The following FOXRED2 variants were observed in gnomAD, a reference collection of about 807,000 sequenced individuals.
FOXRED2 encodes FAD-dependent oxidoreductase domain-containing protein 2.
FOXRED2 carries 32 observed loss-of-function variants against 52.5 expected under a neutral mutation model. The observed-to-expected ratio is 0.61, with a 90% CI of 0.46 to 0.82. The LOEUF (loss-of-function observed/expected upper bound fraction) is 0.82. Ranked by LOEUF, FOXRED2 falls within the 40% of genes least tolerant of loss-of-function variation. FOXRED2 has a pLI of 0.00. For missense variants in FOXRED2, 848 were observed against 937.5 expected (o/e 0.90, Z 1.25); for synonymous variants, 405 against 398.1 (o/e 1.02, Z -0.21).
Position 36,490,192 on chromosome 22 carries a change from C to A in FOXRED2, c.1871G>T (p.Gly624Val). The A allele has an allele frequency of 6.2e-7, 1 of 1,614,006 alleles. No individual in the cohort carries two copies. The highest frequency in any genetic ancestry group is 1.3e-5 in the African/African-American group (1 of 75,058). ...CCAAAGGCTCTCGGTACTCACGAGT[C>A]CCTGCATCCTCAGGTACCCCTGCTG... ...FCQQGYLRMQ[G>V]LVSTESLWQH... The change falls in exon 9 of 9, where the codon GGA becomes GTA. Residue 624 changes from glycine to valine, a missense_variant. Transcript: ENST00000397224.
At chr22:36,501,626 A>G (rs996873707) in intron 4 of FOXRED2, among the ~76,000 whole-genome samples, 27 of 152,036 alleles carry the variant, frequency 1.8e-4, no homozygotes, top group African/African-American at 5.3e-4. Flanking sequence ...ATGCCCAGCT[A>G]ATTTTTGTAT....
At position 36,488,777 on chromosome 22, in the gene FOXRED2, C is replaced by A. The variant is rs961391194; in HGVS notation, c.*1231G>T. The A allele has an allele frequency of 2.6e-5, 4 of 151,504 alleles. No individual in the cohort carries two copies. The South Asian group carries it at 8.3e-4, about 32-fold the overall frequency. 9.4% of individuals were successfully genotyped at this position (151,504 alleles called of 1,614,324 possible). A position where few individuals can be genotyped will look rare whatever the true frequency, so the allele number is the denominator to read the frequency against. Reference sequence around the variant, plus strand: ...TGTATTTTTAGTAGAGATAGGGTTTCTCCATGTTGGTCAGGCTGGTCTCAA... The same window carrying A: ...TGTATTTTTAGTAGAGATAGGGTTTATCCATGTTGGTCAGGCTGGTCTCAA... On this transcript the variant is annotated 3_prime_UTR_variant, in exon 9 of 9. Transcript: ENST00000397224.
At position 36,504,605 on chromosome 22, in the gene FOXRED2, T is replaced by A; in HGVS notation, c.689A>T (p.Glu230Val). The A allele has an allele frequency of 6.2e-7, 1 of 1,614,166 alleles. No homozygotes were observed. The highest frequency in any genetic ancestry group is 8.5e-7 in the Non-Finnish European group (1 of 1,180,028). Residue 230 changes from glutamate to valine, a missense_variant, in exon 3 of 9, where the codon GAG becomes GTG. Transcript: ENST00000397224. ...AAAGTTTGTGACACCCAAGATGTTC[T>A]CTGCTGTCTCAAAGGCCGAGTTCCC... ...GRGNSAFETA[E>V]NILGVTNFIH...
chr22:36,490,894 C>T (rs1216524822), intron 8 of FOXRED2, among the ~76,000 whole-genome samples: 5 of 152,316 alleles, frequency 3.3e-5, no homozygotes, highest in African/African-American at 4.8e-5. Flanking sequence ...TGGTGGCTCA[C>T]GCCTTAATCC....
intron 5 of FOXRED2, among the ~76,000 whole-genome samples, chr22:36,499,534 G>C (rs1163323240): frequency 6.6e-6 from 1 of 152,166 alleles, no homozygotes; most frequent in Non-Finnish European, 1.5e-5. Context: ...GCTGAGGTGG[G>C]AGGATGGCTT....
rs1214313141 is a variant in FOXRED2, at chr22:36,487,679, CT to C, written c.*2328del. On this transcript the variant is annotated 3_prime_UTR_variant, in exon 9 of 9. Transcript: ENST00000397224. The stretch of plus-strand genomic sequence containing the variant: ...CCTTTGAAGAAGAATTTATGATATC[CT>C]ACATTATCATGGGGTAAACAATTCG... The C allele has an allele frequency of 6.6e-6, 1 of 152,128 alleles. No individual in the cohort carries two copies. The highest frequency in any genetic ancestry group is 2.4e-5 in the African/African-American group (1 of 41,416). The allele number at this position is 152,128 out of a possible 1,614,324, so 9.4% of individuals were successfully genotyped here.
At position 36,506,123 on chromosome 22, in the gene FOXRED2, G is replaced by C; in HGVS notation, c.300C>G (p.Asn100Lys). 1.2e-6 allele frequency: 2 copies of C among 1,614,238 alleles called. No individual in the cohort carries two copies. The highest frequency in any genetic ancestry group is 8.5e-7 in the Non-Finnish European group (1 of 1,180,038). ...GCCGGGGGTCGTGGCTGAGCAGAGA[G>C]TTCCAGTCGTGGCGGAGGTTGAACT... ...NAEFNLRHDW[N>K]SLLSHDPRLL... The change falls in exon 2 of 9, where the codon AAC becomes AAG. Residue 100 changes from asparagine to lysine, a missense_variant. Asn to Lys is a moderately conservative substitution (Grantham distance 94, BLOSUM62 0). Transcript: ENST00000397224.
At chr22:36,495,218 C>T (rs1327472470) in intron 7 of FOXRED2, among the ~76,000 whole-genome samples, 1 of 152,026 alleles carries the variant, frequency 6.6e-6, no homozygotes, top group Non-Finnish European at 1.5e-5. Context: ...CTTGGTCTCT[C>T]AAAGTGCTGG....
chr22:36,496,952 G>A (rs532486109), intron 6 of FOXRED2, among the ~76,000 whole-genome samples: 2 of 152,288 alleles, frequency 1.3e-5, no homozygotes, highest in South Asian at 2.1e-4. Context: ...AGACCAAGGC[G>A]GGTGGATCAC....
chr22:36,495,884 G>C, intron 7 of FOXRED2, 83 bp downstream of exon 7: 2 of 1,484,420 alleles, frequency 1.3e-6, no homozygotes, highest in Non-Finnish European at 1.9e-6. Context: ...GCATGTGTGT[G>C]AAGGTTTCAG....
chr22:36,493,866 GAC>G, intron 7 of FOXRED2, 63 bp from the exon 8 acceptor site: 1 of 1,448,872 alleles, frequency 6.9e-7, no homozygotes, highest in Non-Finnish European at 9.6e-7. Context: ...TCCTCGGGCC[GAC>G]ACAGCACGGA....
intron 5 of FOXRED2, among the ~76,000 whole-genome samples, chr22:36,499,404 T>C (rs933178723): frequency 1.3e-5 from 2 of 151,966 alleles, no homozygotes; most frequent in Non-Finnish European, 2.9e-5. Flanking sequence ...TCGCTTGAGC[T>C]TGGGAGTTTG....
At position 36,506,077 on chromosome 22, in the gene FOXRED2, G is replaced by A. The variant is rs755978039; in HGVS notation, c.346C>T (p.Arg116Cys). 4 of 1,614,132 alleles carry A rather than the reference G, an allele frequency of 2.5e-6. No homozygotes were observed. Residue 116 changes from arginine (R) to cysteine (C), a missense_variant, in exon 2 of 9, where the codon CGT becomes TGT. Physicochemically the swap from Arg to Cys is radical, Grantham distance 180. Coordinates refer to ENST00000397224, the MANE Select transcript of FOXRED2 (RefSeq NM_001102371.2). ...TCGCGGGCGTCGGGGAAGTAGGCAC[G>A]CGAGTAGTGTCTGAAGAGCAGCCGG... is the stretch of plus-strand genomic sequence containing the variant. ...DPRLLFRHYS[R>C]AYFPDARDMV... is the part of the protein sequence containing the mutation.
At position 36,497,380 on chromosome 22, in the gene FOXRED2, G is replaced by C. The variant is rs143284787; in HGVS notation, c.1382+611C>G. Among the ~76,000 whole-genome samples the C allele has an allele frequency of 6.5e-3, 988 of 152,256 alleles. 4 individuals carry two copies. The highest frequency in any genetic ancestry group is 0.027 in the Middle Eastern group (8 of 294). The stretch of plus-strand genomic sequence containing the variant: ...GGCAGGGGCATGGAGGGTGATGCGA[G>C]GGTTTTGTGCAGAAAGCGGCTGCAC... On this transcript the variant is annotated intron_variant, in intron 6 of 8. Transcript: ENST00000397224.
At chr22:36,491,867 G>A (rs1279706259) in intron 8 of FOXRED2, among the ~76,000 whole-genome samples, 3 of 152,154 alleles carry the variant, frequency 2.0e-5, no homozygotes, top group Non-Finnish European at 2.9e-5. Context: ...TAAACAAACA[G>A]AAGAGCTGAC....
At chr22:36,504,447 G>GCAA in intron 3 of FOXRED2, 68 bp downstream of exon 3, 1 of 1,608,578 alleles carries the variant, frequency 6.2e-7, no homozygotes, top group Non-Finnish European at 8.5e-7. Flanking sequence ...GGGCAGGGGA[G>GCAA]GGTTGGGGAG....
At chr22:36,492,786 G>A (rs1235206391) in intron 8 of FOXRED2, among the ~76,000 whole-genome samples, 3 of 152,192 alleles carry the variant, frequency 2.0e-5, no homozygotes, top group African/African-American at 4.8e-5. Context: ...CCAAAGTGTT[G>A]AGATTACAGG....
At chr22:36,503,893 C>T (rs564349940) in intron 4 of FOXRED2, among the ~76,000 whole-genome samples, 1 of 152,328 alleles carries the variant, frequency 6.6e-6, no homozygotes, top group South Asian at 2.1e-4. Context: ...TGGTGTTGCT[C>T]CAGGACCAAG....
Position 36,498,156 on chromosome 22 carries a change from A to C in FOXRED2, c.1217T>G (p.Val406Gly), listed in dbSNP as rs140457089. ...GGFIHGFRYT[V>G]RAVHRLLEHR... ...CTCCAGGAGCCGGTGAACAGCACGC[A>C]CTGGAACAGCCAGAGGGAGGAACGG... Residue 406 changes from valine (V) to glycine (G), a missense_variant and splice_region_variant, in exon 6 of 9, where the codon GTG (valine) becomes GGG (glycine). Coordinates refer to ENST00000397224, the MANE Select transcript of FOXRED2 (RefSeq NM_001102371.2). 1 of 1,609,576 alleles carries C rather than the reference A, an allele frequency of 6.2e-7. No homozygotes were observed. Among genetic ancestry groups the C allele is most frequent in the Non-Finnish European group, 8.5e-7 (1 of 1,179,464 alleles).
Sources: gnomAD v4.1 joint callset for allele counts (sites outside exome capture counted in the v4.1 genomes callset) on GRCh38, gnomAD v4.1.1 for gene constraint, MANE v1.5 for transcripts, NCBI Gene and HGNC (gene_info 2026-07-23, HGNC 2026-07-21) for gene names.